CPE: variants seen among roughly 807,000 people sequenced by gnomAD.
CPE encodes the protein carboxypeptidase E, also known as carbocypeptidase E.
Under a neutral mutation model 53.5 loss-of-function variants are expected in CPE, and 17 were observed. That is an observed-to-expected ratio of 0.32 (90% CI 0.22 to 0.48). The LOEUF is 0.48. CPE is among the 20% of genes least tolerant of loss of function. The pLI, the probability that CPE is intolerant of heterozygous loss-of-function variation, is 0.99. For missense variants in CPE, 524 were observed against 614.7 expected, an observed-to-expected ratio of 0.85 and a Z score of 1.56; for synonymous variants, 226 against 228.8, an observed-to-expected ratio of 0.99 and a Z score of 0.11.
In CPE at chr4:165,436,191, T is replaced by TACACAC. The variant is rs35269093; in HGVS notation, c.308-28180_308-28175dup. ...ATTTTGCAGCATTTCCCAGCACACA[T>TACACAC]ACACACACACACACACACACACACG... On this transcript the variant is annotated intron_variant, in intron 1 of 8. Coordinates refer to ENST00000402744, the MANE Select transcript of CPE (RefSeq NM_001873.4). 8.9e-4 allele frequency among the ~76,000 whole-genome samples: 133 copies of TACACAC among 149,400 alleles called. 1 individual carries two copies. Among genetic ancestry groups the TACACAC allele is most frequent in the East Asian group, 4.3e-3 (22 of 5,096 alleles).
chr4:165,434,731 A>G (rs1172588632), intron 1 of CPE, among the ~76,000 whole-genome samples: 2 of 152,112 alleles, frequency 1.3e-5, no homozygotes, highest in African/African-American at 2.4e-5. Context: ...AGCTACCACA[A>G]TACCTGGTAG....
intron 1 of CPE, among the ~76,000 whole-genome samples, chr4:165,455,434 C>T (rs546530209): frequency 6.6e-6 from 1 of 152,172 alleles, no homozygotes; most frequent in Non-Finnish European, 1.5e-5. Context: ...CAAAAACCCT[C>T]TTCAGTAAAT....
At chr4:165,470,726 T>TC (rs1280170137) in intron 3 of CPE, among the ~76,000 whole-genome samples, 2 of 151,908 alleles carry the variant, frequency 1.3e-5, no homozygotes, top group African/African-American at 4.8e-5. Context: ...CCATAACATT[T>TC]CCCCCCTCAA....
intron 6 of CPE, among the ~76,000 whole-genome samples, chr4:165,488,541 T>C (rs1339855260): frequency 6.6e-6 from 1 of 152,218 alleles, no homozygotes; most frequent in East Asian, 1.9e-4. Flanking sequence ...CCTGCAGTTC[T>C]TTGCCAGTCT....
At chr4:165,474,549 T>C (rs1183830537) in intron 3 of CPE, among the ~76,000 whole-genome samples, 2 of 152,332 alleles carry the variant, frequency 1.3e-5, no homozygotes, top group East Asian at 3.9e-4. Context: ...GGTTCTGGAA[T>C]GAACCAGTCT....
In CPE at chr4:165,405,579, A is replaced by G. The variant is rs1203187666; in HGVS notation, c.307+26051A>G. ...GCATACGCTGTTAATTTTTCCACTA[A>G]TCCCTTGTCTCTCTTTGGAGAGATC... On this transcript the variant is annotated intron_variant, in intron 1 of 8. Transcript: ENST00000402744. 3.7e-6 allele frequency: 3 copies of G among 821,246 alleles called. No homozygotes were observed. In the East Asian group the frequency reaches 7.3e-5, roughly 20 times the overall value. 50.9% of individuals were successfully genotyped at this position (821,246 alleles called of 1,614,324 possible). A position where few individuals can be genotyped will look rare whatever the true frequency, so the allele number is the denominator to read the frequency against.
At chr4:165,462,902 T>A (rs1383962608) in intron 1 of CPE, among the ~76,000 whole-genome samples, 4 of 152,200 alleles carry the variant, frequency 2.6e-5, no homozygotes, top group African/African-American at 7.2e-5. Context: ...AGGAATCTCA[T>A]GCAAAGAATG....
chr4:165,484,595 G>A lies in CPE; in HGVS notation c.964G>A (p.Val322Ile), dbSNP rs762947355. 5.8e-5 allele frequency: 93 copies of A among 1,613,396 alleles called. No homozygotes were observed. Among genetic ancestry groups the A allele is most frequent in the Admixed American group, 2.0e-4 (12 of 59,958 alleles). The change falls in exon 5 of 9, where the codon GTA becomes ATA. Residue 322 changes from valine (V) to isoleucine (I), a missense_variant. Physicochemically the swap from Val to Ile is conservative, Grantham distance 29 (BLOSUM62 3). Coordinates refer to ENST00000402744, the MANE Select transcript of CPE (RefSeq NM_001873.4). ...CACCAACGGTGGTGCTTGGTACAGCGTACCTGGAGGTGAGTTTCCATTGTG... is the reference window on the plus strand; with the variant it reads ...CACCAACGGTGGTGCTTGGTACAGCATACCTGGAGGTGAGTTTCCATTGTG... Reference protein sequence around the residue: ...GTTNGGAWYSVPGGMQDFNYL... With the variant: ...GTTNGGAWYSIPGGMQDFNYL...
At chr4:165,461,173 A>G (rs1312587878) in intron 1 of CPE, among the ~76,000 whole-genome samples, 1 of 126,518 alleles carries the variant, frequency 7.9e-6, no homozygotes, top group Non-Finnish European at 1.6e-5. Flanking sequence ...CCTCAAAAAA[A>G]AAAAAAAAAA....
At chr4:165,390,512 C>T (rs905083107) in intron 1 of CPE, among the ~76,000 whole-genome samples, 1 of 152,164 alleles carries the variant, frequency 6.6e-6, no homozygotes, top group Non-Finnish European at 1.5e-5. Flanking sequence ...GATAAAAATG[C>T]TTCTATGTGT....
chr4:165,471,451 A>C (rs1579276901), intron 3 of CPE, among the ~76,000 whole-genome samples: 1 of 152,232 alleles, frequency 6.6e-6, no homozygotes, highest in East Asian at 1.9e-4. Flanking sequence ...TTTATTAAAA[A>C]CAAATCATGA....
intron 1 of CPE, among the ~76,000 whole-genome samples, chr4:165,454,057 A>G (rs1731858998): frequency 6.6e-6 from 1 of 152,008 alleles, no homozygotes; most frequent in African/African-American, 2.4e-5. Flanking sequence ...AGCATTGCCT[A>G]TTTCCATGGT....
chr4:165,405,427 A>C (rs1730937448), intron 1 of CPE: 1 of 892,598 alleles, frequency 1.1e-6, no homozygotes, highest in African/African-American at 1.6e-5. Flanking sequence ...TCCCTTGCTC[A>C]ATTCCAGTCT....
intron 1 of CPE, among the ~76,000 whole-genome samples, chr4:165,457,678 G>A (rs1731924153): frequency 6.6e-6 from 1 of 152,202 alleles, no homozygotes; most frequent in Non-Finnish European, 1.5e-5. Flanking sequence ...ATCAGATGAA[G>A]TGAGATTTCA....
At chr4:165,418,719 A>G (rs9308108) in intron 1 of CPE, among the ~76,000 whole-genome samples, 44,965 of 152,048 alleles carry the variant, frequency 0.3, 6,735 homozygotes, top group Middle Eastern at 0.39. Flanking sequence ...ATGTTAATAG[A>G]TTGCTAAGGT....
rs187184240 is a variant in CPE at position 165,474,932 on chromosome 4, G to T, written c.672+7077G>T. On this transcript the variant is annotated intron_variant, in intron 3 of 8. Coordinates refer to ENST00000402744, the MANE Select transcript of CPE (RefSeq NM_001873.4). Reference sequence around the variant, plus strand: ...TTTTTCAGCTAACTGCCACAAGATGGCTGGATTTCCCTCCCTTCGAATATG... The same window carrying T: ...TTTTTCAGCTAACTGCCACAAGATGTCTGGATTTCCCTCCCTTCGAATATG... Among the ~76,000 whole-genome samples, 441 of 152,286 alleles carry T rather than the reference G, an allele frequency of 2.9e-3. 2 individuals are homozygous for T. The highest frequency in any genetic ancestry group is 5.5e-3 in the Non-Finnish European group (371 of 68,016).
Position 165,467,730 on chromosome 4 carries a change from C to G in CPE, c.547C>G (p.Gln183Glu), listed in dbSNP as rs375512739. ...KDWFVGRSNAQGIDLNRNFPD... is the reference protein window; with the variant it reads ...KDWFVGRSNAEGIDLNRNFPD... ...CTGGTTTGTGGGTCGAAGCAATGCC[C>G]AGGGAATAGATCTGAACCGGAACTT... is the stretch of plus-strand genomic sequence containing the variant. Residue 183 changes from glutamine (Q) to glutamate (E), a missense_variant, in exon 3 of 9, where the codon CAG becomes GAG. Coordinates refer to ENST00000402744, the MANE Select transcript of CPE (RefSeq NM_001873.4). 10 of 1,612,100 alleles carry G rather than the reference C, an allele frequency of 6.2e-6. No individual in the cohort carries two copies. The African/African-American group carries it at 1.3e-4, about 22-fold the overall frequency.
At chr4:165,425,019 A>C (rs922227717) in intron 1 of CPE, among the ~76,000 whole-genome samples, 3 of 152,032 alleles carry the variant, frequency 2.0e-5, no homozygotes, top group Non-Finnish European at 4.4e-5. Context: ...GAGGGATTAC[A>C]GATGTGTGCC....
intron 1 of CPE, among the ~76,000 whole-genome samples, chr4:165,449,103 A>G (rs990397394): frequency 1.3e-5 from 2 of 152,232 alleles, no homozygotes; most frequent in Non-Finnish European, 2.9e-5. Context: ...CCCTTGGAAA[A>G]GTCCCCACCA....
Sources: allele counts gnomAD v4.1 joint callset (sites outside exome capture counted in the v4.1 genomes callset), GRCh38; gene constraint gnomAD v4.1.1; transcripts MANE v1.5; gene names NCBI Gene and HGNC (gene_info 2026-07-23, HGNC 2026-07-21).